Variants in TSPAN9 observed in about 807,000 individuals in gnomAD.
TSPAN9 encodes tetraspanin-9.
Under a neutral mutation model 31.0 loss-of-function variants are expected in TSPAN9, and 16 were observed. The observed-to-expected ratio is 0.52, with a 90% CI of 0.35 to 0.78. TSPAN9 has a LOEUF of 0.78. TSPAN9 is among the 30% of genes least tolerant of loss of function. The pLI is 0.01. For synonymous variants in TSPAN9, 145 were observed against 121.6 expected (o/e 1.19, Z -1.27); for missense variants, 272 against 312.5 (o/e 0.87, Z 0.98).
At chr12:3,246,620 C>T (rs994831340) in intron 3 of TSPAN9, among the ~76,000 whole-genome samples, 1 of 152,206 alleles carries the variant, frequency 6.6e-6, no homozygotes, top group South Asian at 2.1e-4. Context: ...GTTCCAAACC[C>T]GTGTTCTCTG....
Position 3,205,672 on chromosome 12 carries a change from C to T in TSPAN9, c.63+4416C>T, listed in dbSNP as rs151332707. ...CAGACCTGGCCTCACCTGGCATCTC[C>T]AGGCAGAGGAGACACAGGGTAACCT... On this transcript the variant is annotated intron_variant, in intron 3 of 8. Transcript: ENST00000011898. 5.3e-5 allele frequency among the ~76,000 whole-genome samples: 8 copies of T among 151,928 alleles called. No homozygotes were observed. The East Asian group carries it at 1.6e-3, about 29-fold the overall frequency.
At position 3,185,001 on chromosome 12, in the gene TSPAN9, C is replaced by G. The variant is rs549406774; in HGVS notation, c.-17-16176C>G. Among the ~76,000 whole-genome samples, 4 of 152,232 alleles carry G rather than the reference C, an allele frequency of 2.6e-5. No individual in the cohort carries two copies. The East Asian group carries it at 7.7e-4, about 29-fold the overall frequency. ...TCCGCTGGTTCCTTGGTTCTATAGTCTCTATTCTGTTTCAGTGTGCAATGA... is the reference window on the plus strand; with the variant it reads ...TCCGCTGGTTCCTTGGTTCTATAGTGTCTATTCTGTTTCAGTGTGCAATGA... On this transcript the variant is annotated intron_variant, in intron 2 of 8. Transcript: ENST00000011898.
intron 2 of TSPAN9, among the ~76,000 whole-genome samples, chr12:3,119,338 C>T (rs1314682113): frequency 1.3e-5 from 2 of 152,174 alleles, no homozygotes; most frequent in East Asian, 3.9e-4. Context: ...ACTGACTCCC[C>T]AGGGTCATCC....
At chr12:3,127,496 C>T (rs2098327886) in intron 2 of TSPAN9, among the ~76,000 whole-genome samples, 1 of 151,958 alleles carries the variant, frequency 6.6e-6, no homozygotes, top group Non-Finnish European at 1.5e-5. Flanking sequence ...GCTGGGACTA[C>T]AGGCGCCTGC....
chr12:3,101,424 A>G (rs2098311797), intron 2 of TSPAN9, among the ~76,000 whole-genome samples: 4 of 152,084 alleles, frequency 2.6e-5, no homozygotes, highest in Admixed American at 2.6e-4. Context: ...AAAGTTAACC[A>G]AGATGTTGCA....
intron 3 of TSPAN9, among the ~76,000 whole-genome samples, chr12:3,203,697 T>C (rs1330666735): frequency 6.6e-6 from 1 of 152,350 alleles, no homozygotes; most frequent in East Asian, 1.9e-4. Context: ...AAGACCCACT[T>C]CTTGTATGCT....
At chr12:3,164,144 C>T (rs758916760) in intron 2 of TSPAN9, among the ~76,000 whole-genome samples, 84 of 152,322 alleles carry the variant, frequency 5.5e-4, no homozygotes, top group Non-Finnish European at 9.4e-4. Context: ...AGGAAGGAAA[C>T]GGTGGCCTGC....
At chr12:3,080,567 A>T (rs1323303717) in intron 1 of TSPAN9, among the ~76,000 whole-genome samples, 1 of 152,044 alleles carries the variant, frequency 6.6e-6, no homozygotes, top group Non-Finnish European at 1.5e-5. Flanking sequence ...TGAACTCCTG[A>T]CCTCATGATC....
At chr12:3,110,354 T>C (rs1255897936) in intron 2 of TSPAN9, among the ~76,000 whole-genome samples, 1 of 152,198 alleles carries the variant, frequency 6.6e-6, no homozygotes, top group African/African-American at 2.4e-5. Context: ...AGGATACTAA[T>C]TTACAAATTT....
intron 2 of TSPAN9, among the ~76,000 whole-genome samples, chr12:3,104,185 T>G (rs1390654646): frequency 6.6e-6 from 1 of 152,010 alleles, no homozygotes; most frequent in African/African-American, 2.4e-5. Flanking sequence ...TTGGATTATC[T>G]AGGCCATCTT....
intron 2 of TSPAN9, among the ~76,000 whole-genome samples, chr12:3,139,386 C>T (rs1249580515): frequency 1.3e-5 from 2 of 152,166 alleles, no homozygotes; most frequent in Non-Finnish European, 2.9e-5. Context: ...CTCACCCTGC[C>T]AGTGGCCAGC....
chr12:3,212,371 T>C (rs7294877), intron 3 of TSPAN9, among the ~76,000 whole-genome samples: 81,454 of 152,016 alleles, frequency 0.54, 22,614 homozygotes, highest in Middle Eastern at 0.68. Context: ...TCTTTAATGT[T>C]TTTCTGTAAA....
chr12:3,145,263 C>T (rs1366354439), intron 2 of TSPAN9, among the ~76,000 whole-genome samples: 1 of 152,234 alleles, frequency 6.6e-6, no homozygotes, highest in African/African-American at 2.4e-5. Context: ...CTCTCAGTGC[C>T]AGCTCAAGGC....
intron 2 of TSPAN9, among the ~76,000 whole-genome samples, chr12:3,100,437 G>C (rs141937320): frequency 2.0e-5 from 3 of 152,346 alleles, no homozygotes; most frequent in Non-Finnish European, 4.4e-5. Context: ...CCTGTTGTCT[G>C]AACTGCTGCG....
intron 2 of TSPAN9, among the ~76,000 whole-genome samples, chr12:3,095,638 C>T (rs1212216185): frequency 1.4e-5 from 2 of 142,836 alleles, no homozygotes; most frequent in Non-Finnish European, 3.1e-5. Context: ...GCTGACCCCC[C>T]CCACCTCCCT....
intron 2 of TSPAN9, among the ~76,000 whole-genome samples, chr12:3,095,161 A>C (rs1402362419): frequency 2.7e-5 from 3 of 109,856 alleles, no homozygotes; most frequent in African/African-American, 1.1e-4. Context: ...GACACAGTAC[A>C]TGTTTCAGAG....
At position 3,107,555 on chromosome 12, in the gene TSPAN9, C is replaced by G. The variant is rs750762406; in HGVS notation, c.-18+23836C>G. Among the ~76,000 whole-genome samples the G allele has an allele frequency of 2.0e-5, 3 of 152,176 alleles. No homozygotes were observed. The highest frequency in any genetic ancestry group is 4.8e-5 in the African/African-American group (2 of 41,432). ...GCCCCCCTATCCCTGTGCCCTTCAT[C>G]TGGGGCCATGCATGCCTCTTGTTAG... On this transcript the variant is annotated intron_variant, in intron 2 of 8. Coordinates refer to ENST00000011898, the MANE Select transcript of TSPAN9 (RefSeq NM_006675.5). The surrounding 1 kb of genome is among the most constrained non-coding windows in gnomAD (Gnocchi z 4.1).
intron 2 of TSPAN9, among the ~76,000 whole-genome samples, chr12:3,135,246 G>C (rs1440186056): frequency 1.3e-5 from 2 of 152,080 alleles, no homozygotes; most frequent in African/African-American, 4.8e-5. Flanking sequence ...ACCACACCTG[G>C]CTAAATTTTA....
chr12:3,209,362 G>C (rs1046727791), intron 3 of TSPAN9, among the ~76,000 whole-genome samples: 1 of 152,216 alleles, frequency 6.6e-6, no homozygotes, highest in Admixed American at 6.5e-5. Flanking sequence ...ATGTGCTGCA[G>C]GTGTATTCTT....
Sources: gnomAD v4.1 joint callset for allele counts (sites outside exome capture counted in the v4.1 genomes callset) on GRCh38, gnomAD v4.1.1 for gene constraint, Gnocchi (gnomAD v3.1) non-coding constraint, MANE v1.5 for transcripts, NCBI Gene and HGNC (gene_info 2026-07-23, HGNC 2026-07-21) for gene names.